NTSR1: variants seen among roughly 807,000 people sequenced by gnomAD.
NTSR1 encodes the protein neurotensin receptor type 1.
A neutral mutation model predicts 31.2 loss-of-function variants in NTSR1; 29 were observed. The observed-to-expected ratio is 0.93, with a 90% CI of 0.69 to 1.27. The LOEUF is 1.27. Among genes scored for constraint, NTSR1 ranks in the 50% most tolerant of loss-of-function variants. The probability of loss-of-function intolerance (pLI) is 0.00; values close to 1 mark genes in which losing one functional copy is unlikely to be tolerated. For synonymous variants in NTSR1, 282 were observed against 269.9 expected, an observed-to-expected ratio of 1.04 and a Z score of -0.44; for missense variants, 697 against 595.4, an observed-to-expected ratio of 1.17 and a Z score of -1.78.
intron 1 of NTSR1, 47 bp from the exon 2 acceptor site, chr20:62,754,638 T>G: frequency 3.4e-4 from 510 of 1,493,380 alleles, no homozygotes; most frequent in Non-Finnish European, 4.3e-4. Flanking sequence ...TGAGGGTGCA[T>G]GAGTCCCGCT....
intron 1 of NTSR1, among the ~76,000 whole-genome samples, chr20:62,725,707 C>G (rs1163712288): frequency 6.6e-6 from 1 of 152,154 alleles, no homozygotes; most frequent in Non-Finnish European, 1.5e-5. Flanking sequence ...GGCACAGACG[C>G]CGCCGCCTCA....
At position 62,725,466 on chromosome 20, in the gene NTSR1, C is replaced by G. The variant is rs578135655; in HGVS notation, c.714+15545C>G. 4.9e-3 allele frequency among the ~76,000 whole-genome samples: 747 copies of G among 152,296 alleles called. 8 individuals carry two copies. Among genetic ancestry groups the G allele is most frequent in the African/African-American group, 0.017 (718 of 41,568 alleles). ...CGCTGCACTGTCGGCCCCGTCTCCC[C>G]CCCGCTGCCTTCCGGTCCCATCACT... On this transcript the variant is annotated intron_variant, in intron 1 of 3. Transcript: ENST00000370501.
chr20:62,709,874 G>T lies in NTSR1; in HGVS notation c.667G>T (p.Val223Leu), dbSNP rs747994870. 1 of 1,606,460 alleles carries T rather than the reference G, an allele frequency of 6.2e-7. No individual in the cohort carries two copies. Among genetic ancestry groups the T allele is most frequent in the Admixed American group, 1.7e-5 (1 of 59,740 alleles). Reference protein sequence around the residue: ...SADGQHAGGLVCTPTIHTATV... With the variant: ...SADGQHAGGLLCTPTIHTATV... Reference sequence around the variant, plus strand: ...CGACGGCCAGCACGCCGGCGGCCTGGTGTGCACCCCCACCATCCACACTGC... The same window carrying T: ...CGACGGCCAGCACGCCGGCGGCCTGTTGTGCACCCCCACCATCCACACTGC... The change falls in exon 1 of 4, where the codon GTG becomes TTG. Residue 223 changes from valine (V) to leucine (L), a missense_variant. Transcript: ENST00000370501.
chr20:62,754,970 G>C, intron 2 of NTSR1, 84 bp downstream of exon 2: 1 of 1,359,856 alleles, frequency 7.4e-7, no homozygotes, highest in South Asian at 1.4e-5. Context: ...CCAAGCCTGG[G>C]CAAGGTTTAA....
intron 1 of NTSR1, among the ~76,000 whole-genome samples, chr20:62,750,319 T>C (rs1384854055): frequency 1.3e-5 from 2 of 152,050 alleles, no homozygotes; most frequent in Non-Finnish European, 2.9e-5. Context: ...GAGAGGACGA[T>C]CAAGGGCTGC....
chr20:62,739,860 G>A (rs1989171022), intron 1 of NTSR1, among the ~76,000 whole-genome samples: 1 of 152,250 alleles, frequency 6.6e-6, no homozygotes, highest in Non-Finnish European at 1.5e-5. Context: ...AGGCCGGCGG[G>A]GTGCGGGACG....
At chr20:62,759,888 C>T (rs1989583831) in intron 3 of NTSR1, 130 bp from the exon 4 acceptor site, 3 of 851,398 alleles carry the variant, frequency 3.5e-6, no homozygotes, top group Admixed American at 2.3e-5. Flanking sequence ...CCCAAACAAC[C>T]ATTCTCAAGG....
At chr20:62,757,684 G>A (rs2147150082) in intron 2 of NTSR1, among the ~76,000 whole-genome samples, 1 of 152,272 alleles carries the variant, frequency 6.6e-6, no homozygotes, top group Admixed American at 6.5e-5. Context: ...AACATGGGAT[G>A]TCTCCCTGCA....
rs112583217 is a variant in NTSR1, at chr20:62,720,397, T to C, written c.714+10476T>C. Among the ~76,000 whole-genome samples the C allele has an allele frequency of 3.1e-3, 471 of 152,370 alleles. 5 individuals are homozygous for C. The highest frequency in any genetic ancestry group is 0.011 in the African/African-American group (444 of 41,590). On this transcript the variant is annotated intron_variant, in intron 1 of 3. Coordinates refer to ENST00000370501, the MANE Select transcript of NTSR1 (RefSeq NM_002531.3). ...TTGTATCTTTTGAGGAATTGGTCCA[T>C]ATAATCTATTTTGTCAAATTTTAGA...
intron 1 of NTSR1, among the ~76,000 whole-genome samples, chr20:62,730,676 C>T (rs560141989): frequency 2.0e-5 from 3 of 152,360 alleles, no homozygotes; most frequent in South Asian, 2.1e-4. Flanking sequence ...CCTTCCAGCA[C>T]GGCTGCGCCA....
intron 1 of NTSR1, among the ~76,000 whole-genome samples, chr20:62,716,645 C>G (rs528286712): frequency 2.9e-4 from 19 of 66,482 alleles, no homozygotes; most frequent in African/African-American, 8.1e-4. Flanking sequence ...AGTGACCGAG[C>G]TGCCGTCCGC....
chr20:62,712,613 G>A (rs1651767590), intron 1 of NTSR1, among the ~76,000 whole-genome samples: 1 of 152,218 alleles, frequency 6.6e-6, no homozygotes, highest in South Asian at 2.1e-4. Flanking sequence ...CTGGTGCCCA[G>A]GACCCTCCCA....
At position 62,724,845 on chromosome 20, in the gene NTSR1, G is replaced by A. The variant is rs997483507; in HGVS notation, c.714+14924G>A. Among the ~76,000 whole-genome samples, 16 of 152,304 alleles carry A rather than the reference G, an allele frequency of 1.1e-4. No individual in the cohort carries two copies. In the East Asian group the frequency reaches 1.2e-3, roughly 11 times the overall value. On this transcript the variant is annotated intron_variant, in intron 1 of 3. Transcript: ENST00000370501. The stretch of plus-strand genomic sequence containing the variant: ...TCTTGGCATTCCTTGGCTTGTGGCC[G>A]AATCGCTCCTTTCTCTGCTTCTGTC...
rs1344501738 is a variant in NTSR1, at chr20:62,762,757, G to C, written c.*2490G>C. 6.6e-6 allele frequency: 1 copy of C among 152,238 alleles called. No homozygotes were observed. Among genetic ancestry groups the C allele is most frequent in the Non-Finnish European group, 1.5e-5 (1 of 68,056 alleles). The allele number at this position is 152,238 out of a possible 1,614,324, so 9.4% of individuals were successfully genotyped here. A position where few individuals can be genotyped will look rare whatever the true frequency, so the allele number is the denominator to read the frequency against. On this transcript the variant is annotated 3_prime_UTR_variant, in exon 4 of 4. Transcript: ENST00000370501. ...GTATCTCTCAATAAAGGTGGCCGAAGGGCCTCGATGTGGACTTGAGTGTTG... is the reference window on the plus strand; with the variant it reads ...GTATCTCTCAATAAAGGTGGCCGAACGGCCTCGATGTGGACTTGAGTGTTG...
intron 1 of NTSR1, among the ~76,000 whole-genome samples, chr20:62,754,172 G>A (rs1306128462): frequency 6.6e-6 from 1 of 152,200 alleles, no homozygotes; most frequent in East Asian, 1.9e-4. Context: ...TAGCTGGGGT[G>A]GGAGGGAGGA....
At chr20:62,729,330 G>C (rs1988964555) in intron 1 of NTSR1, among the ~76,000 whole-genome samples, 5 of 152,342 alleles carry the variant, frequency 3.3e-5, no homozygotes, top group Middle Eastern at 3.4e-3. Context: ...CAGCCCACTG[G>C]GGAGAGATGA....
intron 2 of NTSR1, among the ~76,000 whole-genome samples, chr20:62,756,427 C>T (rs1028350072): frequency 2.6e-5 from 4 of 152,268 alleles, no homozygotes; most frequent in Admixed American, 2.0e-4. Flanking sequence ...GAATGAAGCC[C>T]TTTCATGCCT....
chr20:62,713,478 G>C (rs909486552), intron 1 of NTSR1, among the ~76,000 whole-genome samples: 2 of 152,230 alleles, frequency 1.3e-5, no homozygotes, highest in African/African-American at 4.8e-5. Context: ...CTGAGACAGG[G>C]AAGGAGACAG....
At position 62,709,343 on chromosome 20, in the gene NTSR1, G is replaced by C. The variant is rs750116187; in HGVS notation, c.136G>C (p.Val46Leu). 4.3e-6 allele frequency: 7 copies of C among 1,609,676 alleles called. No homozygotes were observed. In the African/African-American group the frequency reaches 9.3e-5, roughly 21 times the overall value. Reference sequence around the variant, plus strand: ...CGCTTCGGGCAACGCGTCGGAGCGCGTCCTGGCGGCACCCAGCAGCGAGCT... The same window carrying C: ...CGCTTCGGGCAACGCGTCGGAGCGCCTCCTGGCGGCACCCAGCAGCGAGCT... ...GNASGNASER[V>L]LAAPSSELDV... The change falls in exon 1 of 4, where the codon GTC becomes CTC. Residue 46 changes from valine to leucine, a missense_variant. Transcript: ENST00000370501.
Sources: gnomAD v4.1 joint callset for allele counts (sites outside exome capture counted in the v4.1 genomes callset) on GRCh38, gnomAD v4.1.1 for gene constraint, MANE v1.5 for transcripts, NCBI Gene and HGNC (gene_info 2026-07-23, HGNC 2026-07-21) for gene names.